Variants in HKDC1 observed in about 807,000 individuals in gnomAD.
HKDC1 encodes the protein hexokinase domain containing 1.
Under a neutral mutation model 96.6 loss-of-function variants are expected in HKDC1, and 66 were observed. That is an observed-to-expected ratio of 0.68 (90% CI 0.56 to 0.84). The LOEUF is 0.84. Among genes scored for constraint, HKDC1 ranks in the 40% least tolerant of loss-of-function variants. The pLI is 0.00. For missense variants in HKDC1, 1,211 were observed against 1,208.1 expected (o/e 1.00, Z -0.04); for synonymous variants, 466 against 473.1 (o/e 0.98, Z 0.20).
At position 69,238,368 on chromosome 10, in the gene HKDC1, C is replaced by CTTTTTTTT. The variant is rs55819248; in HGVS notation, c.496-662_496-655dup. 3.9e-4 allele frequency among the ~76,000 whole-genome samples: 24 copies of CTTTTTTTT among 61,382 alleles called. 4 individuals are homozygous for CTTTTTTTT. The highest frequency in any genetic ancestry group is 1.6e-3 in the African/African-American group (19 of 12,132). 40.3% of individuals were successfully genotyped at this position (61,382 alleles called of 152,430 possible). Reference sequence around the variant, plus strand: ...GCATGTATAATACACCAGGTATTTTCTTTTTTTTTTTTTTTTTTTGAGACG... The same window carrying CTTTTTTTT: ...GCATGTATAATACACCAGGTATTTTCTTTTTTTTTTTTTTTTTTTTTTTTTTTGAGACG... On this transcript the variant is annotated intron_variant, in intron 4 of 17. Coordinates refer to ENST00000354624, the MANE Select transcript of HKDC1 (RefSeq NM_025130.4).
At position 69,264,197 on chromosome 10, in the gene HKDC1, C is replaced by CTGTGTGTG. The variant is rs34401681; in HGVS notation, c.2373-1350_2373-1343dup. Among the ~76,000 whole-genome samples the CTGTGTGTG allele has an allele frequency of 1.6e-3, 225 of 139,538 alleles. 1 individual carries two copies. The highest frequency in any genetic ancestry group is 4.2e-3 in the South Asian group (18 of 4,292). 91.5% of individuals were successfully genotyped at this position (139,538 alleles called of 152,430 possible). On this transcript the variant is annotated intron_variant, in intron 16 of 17. Transcript: ENST00000354624. ...TCCCAATGTCTGAATAGATTTCCTT[C>CTGTGTGTG]TGTGTGTGTGTGTGTGTGTGTGTGT...
intron 5 of HKDC1, among the ~76,000 whole-genome samples, chr10:69,240,361 C>T (rs1380750695): frequency 2.0e-5 from 3 of 152,040 alleles, no homozygotes; most frequent in Non-Finnish European, 4.4e-5. Flanking sequence ...AAAAAAACAT[C>T]GACAACAAAA....
chr10:69,250,215 G>A (rs1429342401), intron 10 of HKDC1, 75 bp from the exon 11 acceptor site: 33 of 1,529,440 alleles, frequency 2.2e-5, no homozygotes, highest in East Asian at 4.5e-5. Flanking sequence ...GCTCTGCTCC[G>A]ACGTCTCCTC....
At position 69,248,696 on chromosome 10, in the gene HKDC1, C is replaced by G. The variant is rs1490181470; in HGVS notation, c.1538C>G (p.Pro513Arg). The G allele has an allele frequency of 6.2e-7, 1 of 1,612,170 alleles. No homozygotes were observed. Among genetic ancestry groups the G allele is most frequent in the Admixed American group, 1.7e-5 (1 of 59,948 alleles). The change falls in exon 10 of 18, where the codon CCC becomes CGC. Residue 513 changes from proline to arginine, a missense_variant. Transcript: ENST00000354624. ...SHGLATVRML[P>R]TYVCGLPDGT... ...GGGCTGGCCACGGTCAGGATGCTGC[C>G]CACCTACGTCTGCGGGCTGCCGGAC...
In HKDC1 at chr10:69,232,789, T is replaced by A; in HGVS notation, c.252T>A (p.Asp84Glu). ...GSENGEFLSL[D>E]LGGSKFRVLK... ...AAAATGGGGAGTTCCTTTCCCTGGA[T>A]CTCGGAGGGTCCAAGTTCCGAGTGC... is the stretch of plus-strand genomic sequence containing the variant. The change falls in exon 3 of 18, where the codon GAT becomes GAA. Residue 84 changes from aspartate (D) to glutamate (E), a missense_variant. Asp to Glu is a conservative substitution (Grantham distance 45, BLOSUM62 2). Coordinates refer to ENST00000354624, the MANE Select transcript of HKDC1 (RefSeq NM_025130.4). 6.2e-7 allele frequency: 1 copy of A among 1,614,166 alleles called. No individual in the cohort carries two copies. Among genetic ancestry groups the A allele is most frequent in the South Asian group, 1.1e-5 (1 of 91,080 alleles).
intron 9 of HKDC1, 76 bp downstream of exon 9, chr10:69,247,669 C>T: frequency 3.1e-5 from 36 of 1,171,756 alleles, no homozygotes; most frequent in Non-Finnish European, 3.4e-5. Context: ...CTGGACTATC[C>T]TGCCTATCTG....
At chr10:69,238,936 G>A in intron 4 of HKDC1, 106 bp from the exon 5 acceptor site, 1 of 681,618 alleles carries the variant, frequency 1.5e-6, no homozygotes. Flanking sequence ...ATTCAGCTTA[G>A]AGAAGAGAAG....
chr10:69,245,063 G>T (rs555774099), intron 7 of HKDC1, among the ~76,000 whole-genome samples: 121 of 152,074 alleles, frequency 8.0e-4, no homozygotes, highest in Middle Eastern at 3.4e-3. Context: ...CACCATGCCC[G>T]GCTAATTTTT....
Position 69,243,225 on chromosome 10 carries a change from T to G in HKDC1, c.735T>G (p.Ile245Met). 1 of 1,614,162 alleles carries G rather than the reference T, an allele frequency of 6.2e-7. No individual in the cohort carries two copies. Among genetic ancestry groups the G allele is most frequent in the Non-Finnish European group, 8.5e-7 (1 of 1,180,022 alleles). Residue 245 changes from isoleucine to methionine, a missense_variant, in exon 7 of 18, where the codon ATT (isoleucine) becomes ATG (methionine). Transcript: ENST00000354624. ...GTTACATGGAGGACATGAGCAACATTGACCTGGTGGAGGGCGACGAGGGCA... is the reference window on the plus strand; with the variant it reads ...GTTACATGGAGGACATGAGCAACATGGACCTGGTGGAGGGCGACGAGGGCA... The part of the protein sequence containing the change: ...NACYMEDMSN[I>M]DLVEGDEGRM...
In HKDC1 at chr10:69,238,370, T is replaced by TTTTTTTTC. The variant is rs1245368696; in HGVS notation, c.496-665_496-664insCTTTTTTT. On this transcript the variant is annotated intron_variant, in intron 4 of 17. Transcript: ENST00000354624. ...ATGTATAATACACCAGGTATTTTCT[T>TTTTTTTTC]TTTTTTTTTTTTTTTTTGAGACGGA... Among the ~76,000 whole-genome samples the TTTTTTTTC allele has an allele frequency of 9.2e-3, 48 of 5,228 alleles. 13 individuals carry two copies. The highest frequency in any genetic ancestry group is 0.01 in the African/African-American group (46 of 4,420). 3.4% of individuals were successfully genotyped at this position (5,228 alleles called of 152,430 possible). A position where few individuals can be genotyped will look rare whatever the true frequency, so the allele number is the denominator to read the frequency against.
At chr10:69,220,586 G>A in intron 1 of HKDC1, 88 bp downstream of exon 1, 2 of 909,920 alleles carry the variant, frequency 2.2e-6, no homozygotes, top group Non-Finnish European at 3.3e-6. Context: ...AGAAGGGAGT[G>A]AAGAGAGCTT....
chr10:69,257,003 TTGC>T, intron 12 of HKDC1, 30 bp from the exon 13 acceptor site: 1 of 1,546,026 alleles, frequency 6.5e-7, no homozygotes, highest in South Asian at 1.1e-5. Context: ...TAGCAAACTA[TTGC>T]TCAAATGAAT....
chr10:69,223,663 G>A (rs1843103201), intron 1 of HKDC1, among the ~76,000 whole-genome samples: 1 of 132,818 alleles, frequency 7.5e-6, no homozygotes, highest in African/African-American at 2.9e-5. Context: ...TTGGCTCACT[G>A]CAACCTCCGC....
At chr10:69,254,120 C>A (rs781667847) in intron 12 of HKDC1, among the ~76,000 whole-genome samples, 2 of 152,130 alleles carry the variant, frequency 1.3e-5, no homozygotes, top group East Asian at 3.9e-4. Context: ...GCCTGGCCAA[C>A]ATGGCGAAAC....
rs1247351716 is a variant in HKDC1, at chr10:69,250,424, A to G, written c.1705A>G (p.Thr569Ala). 6.2e-7 allele frequency: 1 copy of G among 1,613,460 alleles called. No homozygotes were observed. Among genetic ancestry groups the G allele is most frequent in the Admixed American group, 1.7e-5 (1 of 60,010 alleles). Residue 569 changes from threonine to alanine, a missense_variant, in exon 11 of 18, where the codon ACT becomes GCT. Physicochemically the swap from Thr to Ala is moderately conservative, Grantham distance 58. Coordinates refer to ENST00000354624, the MANE Select transcript of HKDC1 (RefSeq NM_025130.4). ...FAIPLEIMQG[T>A]GEELFDHIVQ... ...CATCCCCCTGGAGATCATGCAGGGC[A>G]CTGGTGAGGAGGTAAGTGCCAGGCA...
At chr10:69,233,910 A>AAAAAAAAAAAAAT (rs71035079) in intron 4 of HKDC1, among the ~76,000 whole-genome samples, 1 of 142,858 alleles carries the variant, frequency 7.0e-6, no homozygotes, top group South Asian at 2.3e-4. Flanking sequence ...AAAAAAAAAA[A>AAAAAAAAAAAAAT]GGAATGGGGG....
chr10:69,251,041 C>A (rs1277517120), intron 12 of HKDC1, among the ~76,000 whole-genome samples: 1 of 149,066 alleles, frequency 6.7e-6, no homozygotes, highest in Admixed American at 6.7e-5. Context: ...GGGTTTTTAT[C>A]GTCTGATGAA....
In HKDC1 at chr10:69,248,621, A is replaced by G. The variant is rs201031526; in HGVS notation, c.1463A>G (p.Gln488Arg). 2.5e-6 allele frequency: 4 copies of G among 1,614,142 alleles called. No homozygotes were observed. The Admixed American group carries it at 6.7e-5, about 27-fold the overall frequency. The change falls in exon 10 of 18, where the codon CAG becomes CGG. Residue 488 changes from glutamine to arginine, a missense_variant. Physicochemically the swap from Gln to Arg is conservative, Grantham distance 43 (BLOSUM62 1). Transcript: ENST00000354624. ...QLTREQLVDV[Q>R]AKMRAELEYG... ...ACCCGAGAGCAGCTCGTGGACGTGC[A>G]GGCCAAGATGCGGGCTGAGCTGGAG...
chr10:69,266,406 T>C (rs923954320), intron 17 of HKDC1, among the ~76,000 whole-genome samples: 5 of 149,340 alleles, frequency 3.3e-5, no homozygotes, highest in African/African-American at 1.2e-4. Context: ...GAGGCTGCAG[T>C]GGGCTGTGAT....
Sources: allele counts gnomAD v4.1 joint callset (sites outside exome capture counted in the v4.1 genomes callset), GRCh38; gene constraint gnomAD v4.1.1; transcripts MANE v1.5; gene names NCBI Gene and HGNC (gene_info 2026-07-23, HGNC 2026-07-21).